ADAMTS17: variants seen among roughly 807,000 people sequenced by gnomAD.
The protein encoded by ADAMTS17 is A disintegrin and metalloproteinase with thrombospondin motifs 17.
ADAMTS17 carries 113 observed loss-of-function variants against 141.5 expected under a neutral mutation model. That is an observed-to-expected ratio of 0.80 (90% CI 0.69 to 0.93). ADAMTS17 has a LOEUF of 0.93. ADAMTS17 is among the 40% of genes least tolerant of loss of function. The pLI is 0.00. For synonymous variants in ADAMTS17, 768 were observed against 630.6 expected (o/e 1.22, Z -3.27); for missense variants, 1,659 against 1,517.9 (o/e 1.09, Z -1.54).
intron 18 of ADAMTS17, among the ~76,000 whole-genome samples, chr15:100,003,835 G>A (rs901690037): frequency 2.6e-5 from 4 of 151,858 alleles, no homozygotes; most frequent in African/African-American, 9.7e-5. Context: ...TAGAGACAAA[G>A]TAGAATGATG....
chr15:100,261,375 G>C, intron 6 of ADAMTS17, 104 bp downstream of exon 6: 1 of 1,525,444 alleles, frequency 6.6e-7, no homozygotes, highest in Non-Finnish European at 9.0e-7. Flanking sequence ...GTGGCCCAAG[G>C]TCTGATTTCC....
chr15:100,241,147 T>C (rs918128879), intron 7 of ADAMTS17, among the ~76,000 whole-genome samples: 4 of 152,182 alleles, frequency 2.6e-5, no homozygotes, highest in African/African-American at 7.2e-5. Context: ...TTGGTGTTGC[T>C]GTCAGTCTTA....
intron 20 of ADAMTS17, among the ~76,000 whole-genome samples, chr15:99,990,328 G>T (rs1370322559): frequency 3.9e-5 from 6 of 152,088 alleles, no homozygotes; most frequent in Admixed American, 3.9e-4. Flanking sequence ...GAGCCACCAC[G>T]CCCAGCCAAA....
chr15:100,175,244 T>C (rs1463755920), intron 8 of ADAMTS17, among the ~76,000 whole-genome samples: 4 of 152,246 alleles, frequency 2.6e-5, no homozygotes, highest in African/African-American at 9.6e-5. Context: ...CTTGTGTTTA[T>C]GGAAGAAATT....
chr15:100,341,686 G>T, intron 1 of ADAMTS17, 135 bp downstream of exon 1: 1 of 1,164,338 alleles, frequency 8.6e-7, no homozygotes, highest in Non-Finnish European at 1.1e-6. Flanking sequence ...TACTCCGGCC[G>T]CGGCCCGCGC....
At chr15:100,008,339 G>A (rs2727122) in intron 18 of ADAMTS17, among the ~76,000 whole-genome samples, 91,519 of 151,908 alleles carry the variant, frequency 0.6, 28,165 homozygotes, top group African/African-American at 0.74. Flanking sequence ...AAGCACCCAG[G>A]GTGACCAAGA....
chr15:100,222,567 G>A (rs770142680), intron 7 of ADAMTS17, among the ~76,000 whole-genome samples: 15 of 152,254 alleles, frequency 9.9e-5, no homozygotes, highest in Admixed American at 4.6e-4. Context: ...ACACAGCTTG[G>A]GGCCAGGTCC....
chr15:100,111,753 T>C (rs1299284462), intron 13 of ADAMTS17, among the ~76,000 whole-genome samples: 1 of 152,252 alleles, frequency 6.6e-6, no homozygotes, highest in Non-Finnish European at 1.5e-5. Flanking sequence ...TAAACGATAT[T>C]TACTACTACT....
chr15:100,203,221 A>G (rs1459764068), intron 7 of ADAMTS17, among the ~76,000 whole-genome samples: 1 of 152,170 alleles, frequency 6.6e-6, no homozygotes, highest in Non-Finnish European at 1.5e-5. Context: ...CTCCAACTCT[A>G]CTATACCCCT....
intron 7 of ADAMTS17, among the ~76,000 whole-genome samples, chr15:100,246,240 A>G (rs1229886457): frequency 6.6e-6 from 1 of 152,170 alleles, no homozygotes; most frequent in African/African-American, 2.4e-5. Context: ...CAGCCGAGAA[A>G]TCCAAGCTGA....
chr15:100,242,176 G>C (rs538719933), intron 7 of ADAMTS17, among the ~76,000 whole-genome samples: 1 of 152,284 alleles, frequency 6.6e-6, no homozygotes, highest in South Asian at 2.1e-4. Context: ...AGGGTCACTC[G>C]CATCCTGCCC....
At chr15:100,235,234 G>A (rs76152825) in intron 7 of ADAMTS17, among the ~76,000 whole-genome samples, 21,564 of 152,126 alleles carry the variant, frequency 0.14, 1,619 homozygotes, top group South Asian at 0.21. Context: ...TGCTAGAAAA[G>A]CCATGCGTCA....
rs77148193 is a variant in ADAMTS17, at chr15:100,292,751, C to T, written c.617-11350G>A. 5.3e-3 allele frequency among the ~76,000 whole-genome samples: 812 copies of T among 152,326 alleles called. 15 individuals are homozygous for T. The East Asian group carries it at 0.069, about 13-fold the overall frequency. On this transcript the variant is annotated intron_variant, in intron 3 of 21. Transcript: ENST00000268070. The stretch of plus-strand genomic sequence containing the variant: ...CTAACCTAGTTGACTGGGATTCCAG[C>T]CCAGGCATCCTTATCACCATTCATT...
chr15:100,330,820 C>T, intron 3 of ADAMTS17, 69 bp downstream of exon 3: 1 of 1,587,464 alleles, frequency 6.3e-7, no homozygotes, highest in Non-Finnish European at 8.6e-7. Context: ...CTTCAGTGCA[C>T]TTGGAGACAC....
At chr15:100,243,915 C>T (rs1035984921) in intron 7 of ADAMTS17, among the ~76,000 whole-genome samples, 13 of 152,144 alleles carry the variant, frequency 8.5e-5, no homozygotes, top group African/African-American at 2.9e-4. Flanking sequence ...ATACTATTAT[C>T]CCCATTTTCC....
chr15:100,266,939 C>T lies in ADAMTS17; in HGVS notation c.790-4504G>A, dbSNP rs144930140. Among the ~76,000 whole-genome samples, 74 of 152,302 alleles carry T rather than the reference C, an allele frequency of 4.9e-4. No individual in the cohort carries two copies. In the East Asian group the frequency reaches 0.014, roughly 29 times the overall value. ...AGGATGCAAGGGTCCCTAGCACACA[C>T]TAAGTACCCAGTAAATCAATCTGAG... On this transcript the variant is annotated intron_variant, in intron 4 of 21. Coordinates refer to ENST00000268070, the MANE Select transcript of ADAMTS17 (RefSeq NM_139057.4).
intron 18 of ADAMTS17, among the ~76,000 whole-genome samples, chr15:100,038,545 T>G (rs1244231644): frequency 6.6e-6 from 1 of 152,218 alleles, no homozygotes; most frequent in African/African-American, 2.4e-5. Flanking sequence ...GTTTTAAAAT[T>G]CTTTTATTAA....
chr15:100,112,498 C>G (rs147297786), intron 13 of ADAMTS17, among the ~76,000 whole-genome samples: 1 of 152,192 alleles, frequency 6.6e-6, no homozygotes, highest in African/African-American at 2.4e-5. Flanking sequence ...GGCTCAGAAT[C>G]CCTCAAAATT....
At chr15:100,095,010 A>C (rs1328486942) in intron 15 of ADAMTS17, among the ~76,000 whole-genome samples, 3 of 152,194 alleles carry the variant, frequency 2.0e-5, no homozygotes, top group Non-Finnish European at 4.4e-5. Context: ...GAGTACTCAA[A>C]ATTTTCCCAG....
Sources: allele counts gnomAD v4.1 joint callset (sites outside exome capture counted in the v4.1 genomes callset), GRCh38; gene constraint gnomAD v4.1.1; transcripts MANE v1.5; gene names NCBI Gene and HGNC (gene_info 2026-07-23, HGNC 2026-07-21).